The following ADGRL3 variants were observed in gnomAD, a reference collection of about 807,000 sequenced individuals.
ADGRL3 encodes the protein adhesion G protein-coupled receptor L3, also known as calcium-independent alpha-latrotoxin receptor 3.
Under a neutral mutation model 153.5 loss-of-function variants are expected in ADGRL3, and 62 were observed. That is an observed-to-expected ratio of 0.40 (90% CI 0.33 to 0.50). ADGRL3 has a LOEUF of 0.50. Ranked by LOEUF, ADGRL3 falls within the 20% of genes least tolerant of loss-of-function variation. The pLI, the probability that ADGRL3 is intolerant of heterozygous loss-of-function variation, is 0.47. For synonymous variants in ADGRL3, 710 were observed against 672.5 expected (o/e 1.06, Z -0.86); for missense variants, 1,641 against 1,859.4 (o/e 0.88, Z 2.16).
intron 5 of ADGRL3, among the ~76,000 whole-genome samples, chr4:61,666,152 A>G (rs996207360): frequency 1.1e-4 from 16 of 152,212 alleles, no homozygotes; most frequent in African/African-American, 3.9e-4. Flanking sequence ...GCAGACACAC[A>G]CATGCACACA....
At chr4:62,046,261 A>G (rs1046479693) in intron 25 of ADGRL3, among the ~76,000 whole-genome samples, 2 of 151,956 alleles carry the variant, frequency 1.3e-5, no homozygotes, top group African/African-American at 2.4e-5. Context: ...TTGTATGTAT[A>G]TTAGGATAAA....
rs527446993 is a variant in ADGRL3, at chr4:61,896,515, T to C, written c.1887+681T>C. 4.6e-5 allele frequency among the ~76,000 whole-genome samples: 7 copies of C among 152,292 alleles called. No individual in the cohort carries two copies. In the East Asian group the frequency reaches 1.4e-3, roughly 29 times the overall value. ...GCTGAGGAATTTCTGAGAGAGATTT[T>C]CCCGAGAAATATTACAAATGATGGC... On this transcript the variant is annotated intron_variant, in intron 11 of 26. Transcript: ENST00000683033.
intron 1 of ADGRL3, among the ~76,000 whole-genome samples, chr4:61,342,099 A>G (rs915247236): frequency 2.6e-5 from 4 of 152,162 alleles, no homozygotes; most frequent in African/African-American, 4.8e-5. Flanking sequence ...TAATCCTACT[A>G]TCTAGAAGTA....
intron 4 of ADGRL3, among the ~76,000 whole-genome samples, chr4:61,531,412 A>G (rs1002985266): frequency 2.0e-5 from 3 of 152,172 alleles, no homozygotes; most frequent in Non-Finnish European, 4.4e-5. Context: ...TGGAAAGGGA[A>G]AAGAGGTGAG....
At chr4:61,806,163 T>G (rs1350602397) in intron 8 of ADGRL3, among the ~76,000 whole-genome samples, 1 of 152,140 alleles carries the variant, frequency 6.6e-6, no homozygotes, top group Admixed American at 6.6e-5. Context: ...CAGGTGGTAC[T>G]TCCAACCCTC....
At chr4:61,913,780 G>A (rs530019858) in intron 13 of ADGRL3, among the ~76,000 whole-genome samples, 1 of 152,226 alleles carries the variant, frequency 6.6e-6, no homozygotes, top group African/African-American at 2.4e-5. Flanking sequence ...AAGTGACTTA[G>A]TGAGCATAAA....
At position 61,509,447 on chromosome 4, in the gene ADGRL3, C is replaced by T. The variant is rs560444407; in HGVS notation, c.56-7868C>T. Among the ~76,000 whole-genome samples, 5 of 152,086 alleles carry T rather than the reference C, an allele frequency of 3.3e-5. No individual in the cohort carries two copies. In the South Asian group the frequency reaches 6.2e-4, roughly 19 times the overall value. On this transcript the variant is annotated intron_variant, in intron 3 of 26. Transcript: ENST00000683033. The stretch of plus-strand genomic sequence containing the variant: ...CTGGCACATATCACATCTTAATGTC[C>T]ATAAGTTTCAATGTTTAGCTTCCAC...
At chr4:61,249,716 C>T (rs746260226) in intron 1 of ADGRL3, among the ~76,000 whole-genome samples, 9 of 152,002 alleles carry the variant, frequency 5.9e-5, no homozygotes, top group Non-Finnish European at 1.2e-4. Context: ...GTGTATTGCC[C>T]CATAAATAAA....
At position 61,497,815 on chromosome 4, in the gene ADGRL3, C is replaced by T. The variant is rs570684437; in HGVS notation, c.55+467C>T. On this transcript the variant is annotated intron_variant, in intron 3 of 26. Coordinates refer to ENST00000683033, the MANE Select transcript of ADGRL3 (RefSeq NM_001387552.1). ...CTGGGATTACAGGCGTGAGCCACCG[C>T]GCCCAGCCCATAATGTGTATTTTAA... is the stretch of plus-strand genomic sequence containing the variant. Among the ~76,000 whole-genome samples, 15 of 152,002 alleles carry T rather than the reference C, an allele frequency of 9.9e-5. No individual in the cohort carries two copies. In the South Asian group the frequency reaches 1.0e-3, roughly 11 times the overall value.
At chr4:61,233,241 G>C (rs1418529722) in intron 1 of ADGRL3, among the ~76,000 whole-genome samples, 2 of 152,068 alleles carry the variant, frequency 1.3e-5, no homozygotes, top group African/African-American at 4.8e-5. Flanking sequence ...TTAGAACTGT[G>C]CCATCTACGT....
intron 1 of ADGRL3, among the ~76,000 whole-genome samples, chr4:61,217,572 G>C (rs1392392770): frequency 6.6e-6 from 1 of 152,174 alleles, no homozygotes; most frequent in African/African-American, 2.4e-5. Flanking sequence ...CACTTGTCTA[G>C]CTTTAATATT....
intron 1 of ADGRL3, among the ~76,000 whole-genome samples, chr4:61,299,210 A>G (rs188395209): frequency 1.5e-3 from 226 of 152,202 alleles, no homozygotes; most frequent in Non-Finnish European, 2.6e-3. Flanking sequence ...ATCGTTCAGA[A>G]CATTGAAATA....
intron 8 of ADGRL3, among the ~76,000 whole-genome samples, chr4:61,795,013 G>A (rs1901223): frequency 0.47 from 70,875 of 152,066 alleles, 16,854 homozygotes; most frequent in East Asian, 0.61. Flanking sequence ...CACTTTACAT[G>A]AATAATTTTA....
chr4:61,389,504 T>A (rs17090446), intron 2 of ADGRL3, among the ~76,000 whole-genome samples: 2 of 152,184 alleles, frequency 1.3e-5, no homozygotes, highest in Admixed American at 1.3e-4. Context: ...CAGAGCCAGA[T>A]GTTAATTTTC....
chr4:61,853,488 A>G (rs367554402), intron 9 of ADGRL3, among the ~76,000 whole-genome samples: 9 of 152,084 alleles, frequency 5.9e-5, no homozygotes, highest in African/African-American at 2.2e-4. Flanking sequence ...TTACTACTTA[A>G]TTTCACTTTT....
At chr4:61,447,239 A>G (rs532903239) in intron 2 of ADGRL3, among the ~76,000 whole-genome samples, 2 of 152,180 alleles carry the variant, frequency 1.3e-5, no homozygotes, top group South Asian at 4.2e-4. Context: ...TGATCTTTTA[A>G]TATAGACATC....
At chr4:61,422,937 A>C (rs2152347515) in intron 2 of ADGRL3, among the ~76,000 whole-genome samples, 1 of 152,226 alleles carries the variant, frequency 6.6e-6, no homozygotes, top group South Asian at 2.1e-4. Flanking sequence ...CTGAAAAAGT[A>C]ACAATTTTGG....
rs1466181585 is a variant in ADGRL3, at chr4:62,070,718, G to A, written c.4442G>A (p.Cys1481Tyr). ...STQTEPPPAK[C>Y]GDAEDVYYKS... Reference sequence around the variant, plus strand: ...CAGACCGAACCCCCACCGGCCAAATGTGGTGATGCCGAAGATGTTTACTAC... The same window carrying A: ...CAGACCGAACCCCCACCGGCCAAATATGGTGATGCCGAAGATGTTTACTAC... Residue 1481 changes from cysteine to tyrosine, a missense_variant, in exon 27 of 27, where the codon TGT (cysteine) becomes TAT (tyrosine). Cys to Tyr is a radical substitution (Grantham distance 194). Coordinates refer to ENST00000683033, the MANE Select transcript of ADGRL3 (RefSeq NM_001387552.1). 1 of 1,551,516 alleles carries A rather than the reference G, an allele frequency of 6.4e-7. No individual in the cohort carries two copies. Among genetic ancestry groups the A allele is most frequent in the East Asian group, 2.4e-5 (1 of 40,904 alleles).
chr4:61,913,450 A>C (rs1271616803), intron 13 of ADGRL3, among the ~76,000 whole-genome samples: 1 of 152,180 alleles, frequency 6.6e-6, no homozygotes, highest in Admixed American at 6.6e-5. Flanking sequence ...AGGAGGAAAT[A>C]TGAAAATGTT....
Sources: gnomAD v4.1 joint callset for allele counts (sites outside exome capture counted in the v4.1 genomes callset) on GRCh38, gnomAD v4.1.1 for gene constraint, MANE v1.5 for transcripts, NCBI Gene and HGNC (gene_info 2026-07-23, HGNC 2026-07-21) for gene names.